FNDC7: variants seen among roughly 807,000 people sequenced by gnomAD.
The protein encoded by FNDC7 is fibronectin type III domain-containing protein 7.
In FNDC7, 66 loss-of-function variants were observed where a neutral mutation model predicts 74.2. That is an observed-to-expected ratio of 0.89 (90% CI 0.73 to 1.09). The LOEUF is 1.09. FNDC7 is among the 50% of genes least tolerant of loss of function. The pLI is 0.00. For synonymous variants in FNDC7, 307 were observed against 330.2 expected (o/e 0.93, Z 0.76); for missense variants, 829 against 893.4 (o/e 0.93, Z 0.92).
chr1:108,733,532 G>T lies in FNDC7; in HGVS notation c.2140G>T (p.Val714Leu). 6.2e-7 allele frequency: 1 copy of T among 1,611,210 alleles called. No homozygotes were observed. Among genetic ancestry groups the T allele is most frequent in the South Asian group, 1.1e-5 (1 of 91,042 alleles). The part of the protein sequence containing the change: ...LTFCPKKIYS[V>L]TCSGSTLGMV... ...TTTCTGTCCAAAAAAAATATATTCAGGTAAAGCAAGTTATGACAGTTTATC... is the reference window on the plus strand; with the variant it reads ...TTTCTGTCCAAAAAAAATATATTCATGTAAAGCAAGTTATGACAGTTTATC... The change falls in exon 10 of 13, where the codon GTA (valine) becomes TTA (leucine). Residue 714 changes from valine to leucine, a missense_variant and splice_region_variant. Coordinates refer to ENST00000370017, the MANE Select transcript of FNDC7 (RefSeq NM_001144937.3).
At position 108,718,967 on chromosome 1, in the gene FNDC7, C is replaced by T. The variant is rs187586143; in HGVS notation, c.516C>T (p.Ala172=). The change falls in exon 4 of 13, where the codon GCC becomes GCT. Residue 172 remains alanine (A), a synonymous_variant. Coordinates refer to ENST00000370017, the MANE Select transcript of FNDC7 (RefSeq NM_001144937.3). ...CCTTGACATTCACCAGTTTAGAAGC[C>T]GGAACTCTCTACACCATAAAGGCCT... The part of the protein sequence containing the change: ...NTSLTFTSLE[A]GTLYTIKAYA... The T allele has an allele frequency of 4.1e-5, 64 of 1,551,884 alleles. No homozygotes were observed. In the African/African-American group the frequency reaches 5.3e-4, roughly 13 times the overall value.
chr1:108,724,763 A>T (rs1057270634), intron 5 of FNDC7, among the ~76,000 whole-genome samples: 16 of 150,818 alleles, frequency 1.1e-4, no homozygotes, highest in South Asian at 4.2e-4. Context: ...CCAAAAAAAA[A>T]AAATTAATTA....
chr1:108,737,039 C>T (rs1661533025), intron 10 of FNDC7, among the ~76,000 whole-genome samples: 1 of 144,162 alleles, frequency 6.9e-6, no homozygotes, highest in Non-Finnish European at 1.5e-5. Flanking sequence ...GCAATCTCAG[C>T]TCACTGCAAA....
At chr1:108,741,003 G>A (rs1435609779) in intron 11 of FNDC7, among the ~76,000 whole-genome samples, 1 of 152,204 alleles carries the variant, frequency 6.6e-6, no homozygotes, top group Non-Finnish European at 1.5e-5. Flanking sequence ...AAAAGTATCA[G>A]CATCAGCTGG....
In FNDC7 at chr1:108,727,880, T is replaced by C; in HGVS notation, c.1184T>C (p.Val395Ala). The C allele has an allele frequency of 6.2e-7, 1 of 1,614,200 alleles. No homozygotes were observed. The highest frequency in any genetic ancestry group is 1.1e-5 in the South Asian group (1 of 91,088). ...SDRVEIVWSP[V>A]RGAELYETKA... ...AGAGTTGAGATTGTCTGGTCTCCTGTCCGTGGTGCCGAACTGTATGAAACC... is the reference window on the plus strand; with the variant it reads ...AGAGTTGAGATTGTCTGGTCTCCTGCCCGTGGTGCCGAACTGTATGAAACC... Residue 395 changes from valine (V) to alanine (A), a missense_variant, in exon 7 of 13, where the codon GTC becomes GCC. Physicochemically the swap from Val to Ala is moderately conservative, Grantham distance 64. Transcript: ENST00000370017.
intron 2 of FNDC7, among the ~76,000 whole-genome samples, chr1:108,717,565 C>T (rs1316769059): frequency 2.0e-5 from 3 of 152,144 alleles, no homozygotes; most frequent in South Asian, 4.1e-4. Flanking sequence ...CTTTAAAATC[C>T]CATCCCTGAA....
In FNDC7 at chr1:108,728,775, G is replaced by T; in HGVS notation, c.1513G>T (p.Glu505Ter). The T allele has an allele frequency of 1.2e-6, 2 of 1,614,278 alleles. No homozygotes were observed. The highest frequency in any genetic ancestry group is 1.7e-6 in the Non-Finnish European group (2 of 1,180,052). ...KGLYQCSSTG[E>*]SCTMRGLPCG... ...ACTGTATCAGTGCAGCAGCACAGGA[G>T]AGTCCTGCACCATGCGGGGCTTGCC... is the stretch of plus-strand genomic sequence containing the variant. The change falls in exon 8 of 13, where the codon GAG (glutamate) becomes TAG (stop). Residue 505 changes from glutamate to a stop codon, truncating the protein, a stop_gained. Transcript: ENST00000370017. LOFTEE classifies it high-confidence loss of function.
At position 108,728,065 on chromosome 1, in the gene FNDC7, G is replaced by C. The variant is rs1257487869; in HGVS notation, c.1369G>C (p.Ala457Pro). 3 of 1,612,216 alleles carry C rather than the reference G, an allele frequency of 1.9e-6. No homozygotes were observed. In the South Asian group the frequency reaches 3.3e-5, roughly 18 times the overall value. ...MSCTPQFITT[A>P]PCSPEIKNVS... ...ATGTACTCCCCAGTTCATAACCACA[G>C]GTAAGGCACAGCTATCATTCCACTC... The change falls in exon 7 of 13, where the codon GCT becomes CCT. Residue 457 changes from alanine (A) to proline (P), a missense_variant and splice_region_variant. Coordinates refer to ENST00000370017, the MANE Select transcript of FNDC7 (RefSeq NM_001144937.3).
chr1:108,720,533 G>A (rs952327324), intron 4 of FNDC7, among the ~76,000 whole-genome samples: 1 of 152,170 alleles, frequency 6.6e-6, no homozygotes, highest in African/African-American at 2.4e-5. Flanking sequence ...TTCACCTCTG[G>A]ATTAGTTTCC....
At chr1:108,727,355 A>AAC (rs1661242191) in intron 6 of FNDC7, among the ~76,000 whole-genome samples, 1 of 151,258 alleles carries the variant, frequency 6.6e-6, no homozygotes, top group Non-Finnish European at 1.5e-5. Context: ...ACAACAACAA[A>AAC]AAAACTACTT....
At chr1:108,740,204 C>T (rs964801046) in intron 11 of FNDC7, among the ~76,000 whole-genome samples, 2 of 151,914 alleles carry the variant, frequency 1.3e-5, no homozygotes, top group African/African-American at 4.8e-5. Context: ...CAATCAGGTC[C>T]CTGGGCTGAC....
Position 108,727,840 on chromosome 1 carries a change from T to C in FNDC7, c.1144T>C (p.Leu382=). The C allele has an allele frequency of 6.2e-7, 1 of 1,614,206 alleles. No individual in the cohort carries two copies. Among genetic ancestry groups the C allele is most frequent in the Non-Finnish European group, 8.5e-7 (1 of 1,180,038 alleles). Residue 382 remains leucine (L), a synonymous_variant, in exon 7 of 13, where the codon TTG becomes CTG. Coordinates refer to ENST00000370017, the MANE Select transcript of FNDC7 (RefSeq NM_001144937.3). ...PCCPSDINPV[L]VSSDRVEIVW... ...TTGTCCTAGTGACATTAACCCCGTG[T>C]TGGTGTCCAGTGACAGAGTTGAGAT... is the stretch of plus-strand genomic sequence containing the variant.
intron 6 of FNDC7, 116 bp downstream of exon 6, chr1:108,726,120 A>G: frequency 2.3e-6 from 3 of 1,298,702 alleles, no homozygotes; most frequent in Non-Finnish European, 3.2e-6. Context: ...AGAGCCAAGA[A>G]CAGAAAGTAA....
intron 12 of FNDC7, 29 bp downstream of exon 12, chr1:108,741,870 T>C (rs1170259447): frequency 1.3e-6 from 2 of 1,530,184 alleles, no homozygotes; most frequent in African/African-American, 2.7e-5. Flanking sequence ...TTTTGTGTGA[T>C]TTTATGGCAA....
In FNDC7 at chr1:108,718,952, C is replaced by T; in HGVS notation, c.501C>T (p.Phe167=). ...KENTTNTSLT[F]TSLEAGTLYT... ...ATACTACAAACACCTCCTTGACATT[C>T]ACCAGTTTAGAAGCCGGAACTCTCT... Residue 167 remains phenylalanine (F), a synonymous_variant, in exon 4 of 13, where the codon TTC becomes TTT. Transcript: ENST00000370017. 6.4e-7 allele frequency: 1 copy of T among 1,551,796 alleles called. No individual in the cohort carries two copies. Among genetic ancestry groups the T allele is most frequent in the Non-Finnish European group, 8.7e-7 (1 of 1,147,034 alleles).
At chr1:108,723,594 A>G (rs1433830667) in intron 5 of FNDC7, among the ~76,000 whole-genome samples, 3 of 152,240 alleles carry the variant, frequency 2.0e-5, no homozygotes, top group Non-Finnish European at 4.4e-5. Context: ...TCTTTTGACA[A>G]CTGTGATTTA....
intron 10 of FNDC7, 152 bp from the exon 11 acceptor site, chr1:108,737,343 C>T (rs1016509117): frequency 2.3e-5 from 13 of 556,060 alleles, no homozygotes; most frequent in Non-Finnish European, 3.1e-5. Context: ...CCAGGTCATA[C>T]TGCTAGTAGT....
intron 6 of FNDC7, 54 bp from the exon 7 acceptor site, chr1:108,727,754 C>A: frequency 1.9e-6 from 3 of 1,594,526 alleles, no homozygotes; most frequent in Non-Finnish European, 2.6e-6. Context: ...CAGTGTACCC[C>A]CAGCTGCATT....
intron 11 of FNDC7, among the ~76,000 whole-genome samples, chr1:108,740,062 C>T (rs1210407792): frequency 6.7e-6 from 1 of 148,670 alleles, no homozygotes; most frequent in East Asian, 1.9e-4. Context: ...CCCGCAAGGC[C>T]CTCCAAAAAC....
Sources: allele counts gnomAD v4.1 joint callset (sites outside exome capture counted in the v4.1 genomes callset), GRCh38; gene constraint gnomAD v4.1.1; transcripts MANE v1.5; gene names NCBI Gene and HGNC (gene_info 2026-07-23, HGNC 2026-07-21).